PI4KA: variants seen among roughly 807,000 people sequenced by gnomAD.
PI4KA encodes the protein phosphatidylinositol 4-kinase alpha.
Under a neutral mutation model 271.4 loss-of-function variants are expected in PI4KA, and 122 were observed. The ratio of observed to expected loss-of-function variants is 0.45; its 90% CI spans 0.39 to 0.52. The LOEUF (loss-of-function observed/expected upper bound fraction) is 0.52. Ranked by LOEUF, PI4KA falls within the 20% of genes least tolerant of loss-of-function variation. PI4KA has a pLI of 0.00. For missense variants in PI4KA, 1,969 were observed against 2,769.1 expected, an observed-to-expected ratio of 0.71 and a Z score of 6.48; for synonymous variants, 1,041 against 1,078.8, an observed-to-expected ratio of 0.96 and a Z score of 0.69.
At chr22:20,792,547 T>C (rs1569039276) in intron 19 of PI4KA, among the ~76,000 whole-genome samples, 1 of 152,156 alleles carries the variant, frequency 6.6e-6, no homozygotes, top group Admixed American at 6.5e-5. Context: ...AGGGAGAGAA[T>C]ATGGAATGAA....
chr22:20,803,278 A>G lies in PI4KA; in HGVS notation c.1504T>C (p.Ser502Pro). The G allele has an allele frequency of 6.2e-7, 1 of 1,614,044 alleles. No homozygotes were observed. Residue 502 changes from serine to proline, a missense_variant, in exon 13 of 55, where the codon TCT (serine) becomes CCT (proline). Physicochemically the swap from Ser to Pro is moderately conservative, Grantham distance 74 (BLOSUM62 -1). Coordinates refer to ENST00000255882, the MANE Select transcript of PI4KA (RefSeq NM_058004.4). ...LCERFPVVVH[S>P]VTPSLRDFLV... ...AAGTCTCGCAAGGACGGTGTCACAG[A>G]GTGCACCACCACCGGGAACCTCTCG... is the stretch of plus-strand genomic sequence containing the variant.
intron 41 of PI4KA, 110 bp downstream of exon 41, chr22:20,727,120 G>C: frequency 1.1e-6 from 1 of 899,392 alleles, no homozygotes; most frequent in South Asian, 1.6e-5. Flanking sequence ...GAAAGGACCA[G>C]TATGTAACGG....
At chr22:20,726,434 G>GA in intron 42 of PI4KA, 54 bp downstream of exon 42, 13 of 1,362,710 alleles carry the variant, frequency 9.5e-6, no homozygotes, top group Non-Finnish European at 1.2e-5. Flanking sequence ...GGCACAAGCT[G>GA]GTGTGGAACA....
At chr22:20,716,867 G>C (rs2147187729) in intron 45 of PI4KA, among the ~76,000 whole-genome samples, 1 of 152,352 alleles carries the variant, frequency 6.6e-6, no homozygotes, top group East Asian at 1.9e-4. Flanking sequence ...CCGGGGTCCT[G>C]CAGGGCACTC....
In PI4KA at chr22:20,770,547, T is replaced by A. The variant is rs1224275248; in HGVS notation, c.2329-4854A>T. Among the ~76,000 whole-genome samples, 63 of 93,190 alleles carry A rather than the reference T, an allele frequency of 6.8e-4. 2 individuals carry two copies. The highest frequency in any genetic ancestry group is 1.2e-3 in the African/African-American group (27 of 23,104). 61.1% of individuals were successfully genotyped at this position (93,190 alleles called of 152,430 possible). On this transcript the variant is annotated intron_variant, in intron 19 of 54. Transcript: ENST00000255882. The stretch of plus-strand genomic sequence containing the variant: ...AAAAAAAAAAAGAGAGAGAGAGAGA[T>A]CGGTTTTGCTATGTTGCCCAAGCTG...
At chr22:20,736,441 C>G (rs1326565331) in intron 32 of PI4KA, 2 of 152,100 alleles carry the variant, frequency 1.3e-5, no homozygotes, top group Non-Finnish European at 2.9e-5. Context: ...TGATTCCCCC[C>G]TGGCTTGCGC....
In PI4KA at chr22:20,718,830, G is replaced by T. The variant is rs202107498; in HGVS notation, c.5117-8C>A. On this transcript the variant is annotated splice_region_variant and splice_polypyrimidine_tract_variant and intron_variant, in intron 43 of 54. Transcript: ENST00000255882. ...GGAGGTCGCCGATGTCAGCTGCCAAGGAAGCAAAGAGGCTTAAGTCTCTGT... is the reference window on the plus strand; with the variant it reads ...GGAGGTCGCCGATGTCAGCTGCCAATGAAGCAAAGAGGCTTAAGTCTCTGT... 191 of 1,613,462 alleles carry T rather than the reference G, an allele frequency of 1.2e-4. No individual in the cohort carries two copies. Among genetic ancestry groups the T allele is most frequent in the Middle Eastern group, 1.7e-4 (1 of 5,786 alleles).
chr22:20,753,891 T>C (rs553053892), intron 23 of PI4KA, among the ~76,000 whole-genome samples: 231 of 152,274 alleles, frequency 1.5e-3, no homozygotes, highest in African/African-American at 5.2e-3. Context: ...TTTCACCACG[T>C]TGGCCAGGAT....
chr22:20,814,619 G>T (rs1441448791), intron 7 of PI4KA, among the ~76,000 whole-genome samples: 1 of 151,242 alleles, frequency 6.6e-6, no homozygotes, highest in Non-Finnish European at 1.5e-5. Context: ...ACAGCACCAT[G>T]GGCCTATAGT....
At chr22:20,781,993 G>A (rs1035873634) in intron 19 of PI4KA, among the ~76,000 whole-genome samples, 2 of 152,234 alleles carry the variant, frequency 1.3e-5, no homozygotes, top group Non-Finnish European at 2.9e-5. Context: ...GAATGAAACT[G>A]TAGATTACAA....
intron 23 of PI4KA, among the ~76,000 whole-genome samples, chr22:20,758,459 CT>C (rs35401829): frequency 6.4e-4 from 54 of 85,014 alleles, no homozygotes; most frequent in East Asian, 1.5e-3. Flanking sequence ...TCTTTCTTTT[CT>C]TTTTTTTTTT....
rs1221492434 is a variant in PI4KA, at chr22:20,742,305, A to G, written c.3664T>C (p.Phe1222Leu). Residue 1222 changes from phenylalanine to leucine, a missense_variant, in exon 32 of 55, where the codon TTC becomes CTC. Around this residue, in one of 13 missense-constraint regions of PI4KA, gnomAD observed 203 missense variants for 256.8 expected, o/e 0.79. Coordinates refer to ENST00000255882, the MANE Select transcript of PI4KA (RefSeq NM_058004.4). The part of the protein sequence containing the change: ...HHLCWGPLRM[F>L]NEHGMETALA... Reference sequence around the variant, plus strand: ...GCCGTCTCCATGCCATGCTCATTGAACATCCGGAGGGGACCCCAGCACAGA... The same window carrying G: ...GCCGTCTCCATGCCATGCTCATTGAGCATCCGGAGGGGACCCCAGCACAGA... 5.0e-6 allele frequency: 8 copies of G among 1,614,062 alleles called. No individual in the cohort carries two copies. The highest frequency in any genetic ancestry group is 6.8e-6 in the Non-Finnish European group (8 of 1,180,040).
chr22:20,800,173 A>G (rs1935214800), intron 14 of PI4KA, among the ~76,000 whole-genome samples: 1 of 152,170 alleles, frequency 6.6e-6, no homozygotes, highest in Non-Finnish European at 1.5e-5. Context: ...AGAAAAGGGG[A>G]AAAATTTAAA....
At chr22:20,802,149 T>C (rs369863392) in intron 13 of PI4KA, 44 bp from the exon 14 acceptor site, 1 of 1,569,858 alleles carries the variant, frequency 6.4e-7, no homozygotes, top group Non-Finnish European at 8.7e-7. Flanking sequence ...AGGCCTATCA[T>C]TTTCCATCAC....
chr22:20,773,633 A>G (rs1037671424), intron 19 of PI4KA, among the ~76,000 whole-genome samples: 12 of 151,786 alleles, frequency 7.9e-5, no homozygotes, highest in African/African-American at 2.9e-4. Flanking sequence ...TCTCTCCTCC[A>G]CCTTTCACTG....
At chr22:20,730,161 C>G in intron 36 of PI4KA, 150 bp from the exon 37 acceptor site, 1 of 789,668 alleles carries the variant, frequency 1.3e-6, no homozygotes, top group Non-Finnish European at 2.0e-6. Flanking sequence ...ACAAATCTGT[C>G]TGGATGGTGG....
intron 8 of PI4KA, among the ~76,000 whole-genome samples, chr22:20,811,639 A>G (rs982889066): frequency 6.6e-6 from 1 of 151,070 alleles, no homozygotes; most frequent in African/African-American, 2.4e-5. Context: ...CACATCCACA[A>G]TTGTAGTATT....
chr22:20,855,365 A>G (rs34734721), intron 1 of PI4KA, among the ~76,000 whole-genome samples: 10,285 of 152,240 alleles, frequency 0.068, 474 homozygotes, highest in Non-Finnish European at 0.1. Context: ...CATATTAACA[A>G]TGATCCCTAG....
chr22:20,786,259 T>C (rs1934217344), intron 19 of PI4KA: 6 of 1,201,372 alleles, frequency 5.0e-6, no homozygotes. Flanking sequence ...CAGCTTGGGG[T>C]GCTGAGTCTG....
Sources: allele counts gnomAD v4.1 joint callset (sites outside exome capture counted in the v4.1 genomes callset), GRCh38; gene constraint gnomAD v4.1.1; regional missense constraint gnomAD v4.1.1; transcripts MANE v1.5; gene names NCBI Gene and HGNC (gene_info 2026-07-23, HGNC 2026-07-21).